RNPEP: variants seen among roughly 807,000 people sequenced by gnomAD.
RNPEP encodes the protein arginyl aminopeptidase.
A neutral mutation model predicts 70.1 loss-of-function variants in RNPEP; 57 were observed. That is an observed-to-expected ratio of 0.81 (90% CI 0.66 to 1.01). The LOEUF (loss-of-function observed/expected upper bound fraction) is 1.01. RNPEP is among the 50% of genes least tolerant of loss of function. The pLI, the probability that RNPEP is intolerant of heterozygous loss-of-function variation, is 0.00. For missense variants in RNPEP, 787 were observed against 852.4 expected (o/e 0.92, Z 0.96); for synonymous variants, 335 against 357.4 (o/e 0.94, Z 0.71).
At position 201,983,109 on chromosome 1, in the gene RNPEP, C is replaced by A; in HGVS notation, c.443C>A (p.Pro148His). ...VLLTYRVGEG[P>H]GVCWLAPEQT... ...CTCACCTACCGCGTCGGGGAGGGAC[C>A]CGGGGTGAGTGCGCCCCAGACTGCG... Residue 148 changes from proline (P) to histidine (H), a missense_variant, in exon 1 of 11, where the codon CCC becomes CAC. Pro to His is a moderately conservative substitution (Grantham distance 77, BLOSUM62 -2). Coordinates refer to ENST00000295640, the MANE Select transcript of RNPEP (RefSeq NM_020216.4). 1 of 1,483,292 alleles carries A rather than the reference C, an allele frequency of 6.7e-7. No individual in the cohort carries two copies. The highest frequency in any genetic ancestry group is 2.6e-5 in the East Asian group (1 of 38,478). The allele number at this position is 1,483,292 out of a possible 1,614,324, so 91.9% of individuals were successfully genotyped here.
chr1:201,984,821 CTTTTTTTTTTTTTTTTTTTTTT>C (rs200795347), intron 1 of RNPEP, among the ~76,000 whole-genome samples: 19 of 122,000 alleles, frequency 1.6e-4, no homozygotes, highest in Non-Finnish European at 2.9e-4. Flanking sequence ...GTATTTCTTT[CTTTTTTTTTTTTTTTTTTTTTT>C]TTTTTTTTTT....
intron 3 of RNPEP, among the ~76,000 whole-genome samples, chr1:201,992,294 A>G (rs1376664245): frequency 6.6e-6 from 1 of 152,050 alleles, no homozygotes. Flanking sequence ...CGGCCTCCCA[A>G]AGTGTTGGGA....
chr1:201,983,135 C>A, intron 1 of RNPEP, 22 bp downstream of exon 1: 2 of 1,439,604 alleles, frequency 1.4e-6, no homozygotes, highest in Non-Finnish European at 1.8e-6. Context: ...CCAGACTGCG[C>A]CCGCCGCTGC....
Position 202,001,698 on chromosome 1 carries a change from G to A in RNPEP, c.1357G>A (p.Asp453Asn), listed in dbSNP as rs1391453254. The change falls in exon 8 of 11, where the codon GAT becomes AAT. Residue 453 changes from aspartate (D) to asparagine (N), a missense_variant. Physicochemically the swap from Asp to Asn is conservative, Grantham distance 23. Transcript: ENST00000295640. ...HEFKFRSILA[D>N]DFLDFYLEYF... ...ATTCAAATTCCGAAGCATCTTAGCC[G>A]ATGACTTTCTGGACTTCTACTTGGA... 12 of 1,613,676 alleles carry A rather than the reference G, an allele frequency of 7.4e-6. No individual in the cohort carries two copies. The highest frequency in any genetic ancestry group is 1.7e-5 in the Admixed American group (1 of 59,992).
rs192133580 is a variant in RNPEP, at chr1:202,003,269, G to A, written c.1459G>A (p.Gly487Ser). ...FEFDRWLNTPGWPPYLPDLSP... is the reference protein window; with the variant it reads ...FEFDRWLNTPSWPPYLPDLSP... ...GTTTGATCGATGGCTGAATACCCCCGGCTGGCCCCCGTACCTCCCTGATCT... is the reference window on the plus strand; with the variant it reads ...GTTTGATCGATGGCTGAATACCCCCAGCTGGCCCCCGTACCTCCCTGATCT... Residue 487 changes from glycine to serine, a missense_variant, in exon 9 of 11, where the codon GGC (glycine) becomes AGC (serine). Transcript: ENST00000295640. 10 of 1,613,526 alleles carry A rather than the reference G, an allele frequency of 6.2e-6. No homozygotes were observed. The highest frequency in any genetic ancestry group is 7.6e-6 in the Non-Finnish European group (9 of 1,179,734).
intron 4 of RNPEP, chr1:201,996,475 G>GTGTA (rs386369334): frequency 9.9e-6 from 3 of 301,570 alleles, no homozygotes; most frequent in Non-Finnish European, 1.7e-5. Flanking sequence ...TTGTGTGTGT[G>GTGTA]TGTGTGTGTG....
In RNPEP at chr1:201,988,954, G is replaced by A. The variant is rs373049947; in HGVS notation, c.498G>A (p.Val166=). 4 of 1,613,838 alleles carry A rather than the reference G, an allele frequency of 2.5e-6. No individual in the cohort carries two copies. In the Admixed American group the frequency reaches 5.0e-5, roughly 20 times the overall value. ...CAGCAGGAAAGAAGAAGCCCTTCGT[G>A]TACACCCAGGGCCAGGCTGTCCTAA... ...EQTAGKKKPF[V]YTQGQAVLNR... is the part of the protein sequence containing the mutation. The change falls in exon 2 of 11, where the codon GTG becomes GTA. Residue 166 remains valine, a synonymous_variant. Transcript: ENST00000295640.
chr1:201,989,947 C>A (rs1371033203), intron 3 of RNPEP, among the ~76,000 whole-genome samples: 1 of 151,700 alleles, frequency 6.6e-6, no homozygotes, highest in South Asian at 2.1e-4. Context: ...TGGGTTCAAG[C>A]GATTCTCCTG....
chr1:201,989,325 A>G, intron 2 of RNPEP, 58 bp from the exon 3 acceptor site: 5 of 1,589,272 alleles, frequency 3.1e-6, no homozygotes, highest in Non-Finnish European at 4.3e-6. Context: ...CTCTTATTCA[A>G]ACTAATCAAA....
At chr1:201,992,019 TCTCCCTCC>T (rs145553703) in intron 3 of RNPEP, among the ~76,000 whole-genome samples, 5 of 150,478 alleles carry the variant, frequency 3.3e-5, no homozygotes, top group Admixed American at 1.3e-4. Flanking sequence ...CTTGTGCCTT[TCTCCCTCC>T]CTCCCTCCCT....
chr1:202,005,874 C>G lies in RNPEP; in HGVS notation c.*158C>G. On this transcript the variant is annotated 3_prime_UTR_variant, in exon 11 of 11. Transcript: ENST00000295640. Reference sequence around the variant, plus strand: ...GGTATCTGTGACTCTTGGGCCTCTGCTCTGGTGGGAACTTACTTCTCTATA... The same window carrying G: ...GGTATCTGTGACTCTTGGGCCTCTGGTCTGGTGGGAACTTACTTCTCTATA... 1 of 866,552 alleles carries G rather than the reference C, an allele frequency of 1.2e-6. No individual in the cohort carries two copies. Among genetic ancestry groups the G allele is most frequent in the Non-Finnish European group, 1.7e-6 (1 of 572,676 alleles). The allele number at this position is 866,552 out of a possible 1,614,324, so 53.7% of individuals were successfully genotyped here. A position where few individuals can be genotyped will look rare whatever the true frequency, so the allele number is the denominator to read the frequency against.
At chr1:201,999,845 T>A in intron 5 of RNPEP, 57 bp from the exon 6 acceptor site, 2 of 1,374,562 alleles carry the variant, frequency 1.5e-6, no homozygotes, top group Admixed American at 1.9e-5. Context: ...GTCAGGAAAA[T>A]ACACTTGGAT....
At chr1:201,997,734 T>A (rs1683614057) in intron 5 of RNPEP, among the ~76,000 whole-genome samples, 180 bp downstream of exon 5, 1 of 151,598 alleles carries the variant, frequency 6.6e-6, no homozygotes, top group Non-Finnish European at 1.5e-5. Context: ...ACAACTGACT[T>A]TTTTTTAAAA....
At position 201,983,123 on chromosome 1, in the gene RNPEP, C is replaced by T. The variant is rs910025332; in HGVS notation, c.447+10C>T. ...CGGGGAGGGACCCGGGGTGAGTGCG[C>T]CCCAGACTGCGCCCGCCGCTGCCTG... On this transcript the variant is annotated intron_variant, in intron 1 of 10. Transcript: ENST00000295640. 6.9e-6 allele frequency: 10 copies of T among 1,449,766 alleles called. No homozygotes were observed. The Admixed American group carries it at 1.4e-4, about 20-fold the overall frequency. 89.8% of individuals were successfully genotyped at this position (1,449,766 alleles called of 1,614,324 possible).
chr1:202,000,197 C>CCAGATAGGAGTTCTGTCCAG, intron 6 of RNPEP, 182 bp downstream of exon 6: 1 of 544,854 alleles, frequency 1.8e-6, no homozygotes, highest in Non-Finnish European at 3.3e-6. Context: ...GCCATTGCAG[C>CCAGATAGGAGTTCTGTCCAG]CAGATAGGAG....
intron 8 of RNPEP, 137 bp from the exon 9 acceptor site, chr1:202,003,100 G>A (rs992061531): frequency 3.1e-6 from 2 of 638,176 alleles, no homozygotes; most frequent in African/African-American, 3.7e-5. Context: ...ATAGTTACAT[G>A]GGAAAGTAAT....
intron 1 of RNPEP, among the ~76,000 whole-genome samples, chr1:201,984,821 C>CTTTTTTCTTTTTCTTTTTTTTT (rs1558257963): frequency 1.1e-4 from 14 of 121,996 alleles, no homozygotes; most frequent in African/African-American, 3.6e-4. Context: ...GTATTTCTTT[C>CTTTTTTCTTTTTCTTTTTTTTT]TTTTTTTTTT....
chr1:201,985,830 A>G (rs1683113612), intron 1 of RNPEP, among the ~76,000 whole-genome samples: 1 of 152,218 alleles, frequency 6.6e-6, no homozygotes, highest in Admixed American at 6.5e-5. Context: ...TGTTCCAGGA[A>G]GCCATCCAGA....
At chr1:201,987,352 G>GC (rs945514513) in intron 1 of RNPEP, among the ~76,000 whole-genome samples, 2 of 151,486 alleles carry the variant, frequency 1.3e-5, no homozygotes, top group African/African-American at 2.4e-5. Context: ...GCTCCATCCT[G>GC]CCCCTCTTCC....
Sources: allele counts gnomAD v4.1 joint callset (sites outside exome capture counted in the v4.1 genomes callset), GRCh38; gene constraint gnomAD v4.1.1; transcripts MANE v1.5; gene names NCBI Gene and HGNC (gene_info 2026-07-23, HGNC 2026-07-21).